Variants in CACNA1C observed in about 807,000 individuals in gnomAD.
The protein encoded by CACNA1C is calcium voltage-gated channel subunit alpha1 C.
Under a neutral mutation model 229.0 loss-of-function variants are expected in CACNA1C, and 30 were observed. The observed-to-expected ratio is 0.13, with a 90% CI of 0.10 to 0.18. The LOEUF (loss-of-function observed/expected upper bound fraction) is 0.18, where lower values mean the gene tolerates loss of function less well. CACNA1C is among the 10% of genes least tolerant of loss of function. The pLI is 1.00. For missense variants in CACNA1C, 1,658 were observed against 2,845.0 expected (o/e 0.58, Z 9.49); for synonymous variants, 1,114 against 1,132.5 (o/e 0.98, Z 0.33).
At chr12:2,685,040 A>G (rs1322943377) in intron 43 of CACNA1C, among the ~76,000 whole-genome samples, 1 of 152,226 alleles carries the variant, frequency 6.6e-6, no homozygotes, top group Non-Finnish European at 1.5e-5. Flanking sequence ...TTTAATAAAA[A>G]TAGAACAGAC....
chr12:2,285,266 T>C lies in CACNA1C; in HGVS notation c.478-163710T>C, dbSNP rs1435646224. On this transcript the variant is annotated intron_variant, in intron 3 of 46. Transcript: ENST00000399655. The surrounding 1 kb of genome is among the most constrained non-coding windows in gnomAD (Gnocchi z 4.2). The stretch of plus-strand genomic sequence containing the variant: ...TCAACCCTTTACACTGGGCATTCAA[T>C]GTCATCACATTGATAACTTGAAATG... 1.3e-5 allele frequency among the ~76,000 whole-genome samples: 2 copies of C among 152,246 alleles called. No individual in the cohort carries two copies. The highest frequency in any genetic ancestry group is 1.5e-5 in the Non-Finnish European group (1 of 68,038).
At chr12:2,592,862 C>T (rs2066066275) in intron 18 of CACNA1C, among the ~76,000 whole-genome samples, 2 of 152,080 alleles carry the variant, frequency 1.3e-5, no homozygotes, top group South Asian at 2.1e-4. Context: ...TAACACCTGG[C>T]AGTGCCCTGT....
intron 42 of CACNA1C, 50 bp from the exon 43 acceptor site, chr12:2,682,500 G>A (rs370955554): frequency 3.8e-6 from 6 of 1,595,740 alleles, no homozygotes; most frequent in Non-Finnish European, 8.5e-7. Flanking sequence ...TGAAGGAAGT[G>A]GAGGAAGGTT....
At chr12:2,079,069 A>G (rs968577114) in intron 1 of CACNA1C, among the ~76,000 whole-genome samples, 1 of 149,160 alleles carries the variant, frequency 6.7e-6, no homozygotes, top group African/African-American at 2.5e-5. Context: ...TATAGGTGGG[A>G]ATTGAACAAT....
intron 38 of CACNA1C, among the ~76,000 whole-genome samples, chr12:2,670,475 C>T (rs1484752989): frequency 6.6e-6 from 1 of 152,106 alleles, no homozygotes; most frequent in Admixed American, 6.6e-5. Flanking sequence ...CCGTTAGATC[C>T]TTCAAAAACA....
intron 3 of CACNA1C, among the ~76,000 whole-genome samples, chr12:2,390,826 G>A (rs2098468345): frequency 2.6e-5 from 4 of 152,220 alleles, no homozygotes; most frequent in Admixed American, 2.6e-4. Context: ...TTCATTCTGT[G>A]CATTTGTGAT....
chr12:2,320,188 G>A (rs1248675368), intron 3 of CACNA1C, among the ~76,000 whole-genome samples: 2 of 152,130 alleles, frequency 1.3e-5, no homozygotes, highest in African/African-American at 4.8e-5. Flanking sequence ...CCAGTGGTTG[G>A]TCAGTGCCAT....
intron 1 of CACNA1C, among the ~76,000 whole-genome samples, chr12:2,106,459 GGT>G (rs2078646901): frequency 9.7e-6 from 1 of 103,438 alleles, no homozygotes; most frequent in African/African-American, 3.7e-5. Flanking sequence ...CCTCAGCTGG[GGT>G]GTCCTGAAGC....
chr12:2,017,867 T>C (rs2045663303), intron 1 of CACNA1C, among the ~76,000 whole-genome samples: 1 of 152,150 alleles, frequency 6.6e-6, no homozygotes. Flanking sequence ...AGCGGGAGGC[T>C]CCCATTTTGG....
rs962420830 is a variant in CACNA1C at position 2,623,323 on chromosome 12, G to T, written c.3829-10974G>T. ...AAGCTTCGCTGTTCCTCGTGGTTCT[G>T]CTTGGTCCTGAGTGCCCCCACGAGC... On this transcript the variant is annotated intron_variant, in intron 29 of 46. Transcript: ENST00000399655. Among the ~76,000 whole-genome samples, 10 of 151,934 alleles carry T rather than the reference G, an allele frequency of 6.6e-5. No homozygotes were observed. The East Asian group carries it at 1.6e-3, about 24-fold the overall frequency.
At chr12:2,010,675 C>A (rs557693924) in intron 1 of CACNA1C, among the ~76,000 whole-genome samples, 1 of 152,116 alleles carries the variant, frequency 6.6e-6, no homozygotes, top group Non-Finnish European at 1.5e-5. Context: ...AATAGCTACA[C>A]CTTTTGATTT....
At chr12:2,172,629 C>A (rs900133318) in intron 3 of CACNA1C, among the ~76,000 whole-genome samples, 1 of 152,176 alleles carries the variant, frequency 6.6e-6, no homozygotes, top group Non-Finnish European at 1.5e-5. Context: ...ATAAGGCTCC[C>A]GTCTTTCTCT....
At chr12:2,204,848 A>G (rs1165736261) in intron 3 of CACNA1C, among the ~76,000 whole-genome samples, 1 of 141,426 alleles carries the variant, frequency 7.1e-6, no homozygotes, top group Non-Finnish European at 1.6e-5. Context: ...ATGCTAGATG[A>G]TGAGTTAGTG....
At chr12:2,524,819 A>C (rs2099815911) in intron 9 of CACNA1C, among the ~76,000 whole-genome samples, 1 of 152,182 alleles carries the variant, frequency 6.6e-6, no homozygotes, top group African/African-American at 2.4e-5. Context: ...CTTCCGCCTG[A>C]CTTCCAGGGG....
At position 2,585,056 on chromosome 12, in the gene CACNA1C, C is replaced by T. The variant is rs2061911727; in HGVS notation, c.2340-320C>T. ...ATCTAGACGGGACAGTTCCAGGCCACACAGCTGCCGGGCACTGAGCAGAGC... is the reference window on the plus strand; with the variant it reads ...ATCTAGACGGGACAGTTCCAGGCCATACAGCTGCCGGGCACTGAGCAGAGC... On this transcript the variant is annotated intron_variant, in intron 16 of 46. Transcript: ENST00000399655. The surrounding 1 kb of genome is among the most constrained non-coding windows in gnomAD (Gnocchi z 4.1). 6.6e-6 allele frequency among the ~76,000 whole-genome samples: 1 copy of T among 152,182 alleles called. No individual in the cohort carries two copies. Among genetic ancestry groups the T allele is most frequent in the South Asian group, 2.1e-4 (1 of 4,830 alleles).
chr12:2,475,161 C>T (rs903302115), intron 5 of CACNA1C, among the ~76,000 whole-genome samples: 1 of 151,780 alleles, frequency 6.6e-6, no homozygotes, highest in African/African-American at 2.4e-5. Context: ...TAGCCGGGCG[C>T]AGTAGTGGGC....
At chr12:2,303,801 C>T (rs978946404) in intron 3 of CACNA1C, among the ~76,000 whole-genome samples, 1 of 152,182 alleles carries the variant, frequency 6.6e-6, no homozygotes, top group Admixed American at 6.5e-5. Context: ...AGGGGAGGCA[C>T]CTCAGTCTGA....
chr12:2,333,242 A>G (rs1040087337), intron 3 of CACNA1C, among the ~76,000 whole-genome samples: 4 of 152,204 alleles, frequency 2.6e-5, no homozygotes, highest in Non-Finnish European at 4.4e-5. Context: ...GAGAGACAGA[A>G]TGATTTACCC....
At chr12:2,663,837 G>A (rs984329093) in intron 34 of CACNA1C, among the ~76,000 whole-genome samples, 4 of 149,992 alleles carry the variant, frequency 2.7e-5, no homozygotes, top group Admixed American at 2.7e-4. Flanking sequence ...CGCCTCCCGG[G>A]TTCACGCCAT....
Sources: gnomAD v4.1 joint callset for allele counts (sites outside exome capture counted in the v4.1 genomes callset) on GRCh38, gnomAD v4.1.1 for gene constraint, Gnocchi (gnomAD v3.1) non-coding constraint, MANE v1.5 for transcripts, NCBI Gene and HGNC (gene_info 2026-07-23, HGNC 2026-07-21) for gene names.